Variants in NRXN3 observed in about 807,000 individuals in gnomAD.
NRXN3 encodes neurexin 3.
In NRXN3, 32 loss-of-function variants were observed where a neutral mutation model predicts 137.6. That is an observed-to-expected ratio of 0.23 (90% CI 0.18 to 0.31). The LOEUF (loss-of-function observed/expected upper bound fraction) is 0.31. NRXN3 is among the 10% of genes least tolerant of loss of function. The probability of loss-of-function intolerance (pLI) is 1.00; values close to 1 mark genes in which losing one functional copy is unlikely to be tolerated. For synonymous variants in NRXN3, 798 were observed against 784.5 expected (o/e 1.02, Z -0.29); for missense variants, 1,574 against 2,062.5 (o/e 0.76, Z 4.59).
chr14:79,561,879 A>G (rs1434702435), intron 16 of NRXN3, among the ~76,000 whole-genome samples: 2 of 152,134 alleles, frequency 1.3e-5, no homozygotes, highest in African/African-American at 4.8e-5. Context: ...CATGCTAATT[A>G]CTCACAACCC....
At chr14:79,317,872 T>C (rs919553579) in intron 15 of NRXN3, among the ~76,000 whole-genome samples, 3 of 152,188 alleles carry the variant, frequency 2.0e-5, no homozygotes, top group East Asian at 1.9e-4. Flanking sequence ...AATACCTACA[T>C]TGGGAGTGGG....
chr14:78,617,355 G>C (rs987846604), intron 4 of NRXN3, among the ~76,000 whole-genome samples: 1 of 152,178 alleles, frequency 6.6e-6, no homozygotes, highest in African/African-American at 2.4e-5. Flanking sequence ...ATAGGGCTCT[G>C]TCTTACATGT....
chr14:79,158,303 A>G (rs1277996852), intron 15 of NRXN3, among the ~76,000 whole-genome samples: 2 of 151,846 alleles, frequency 1.3e-5, no homozygotes, highest in African/African-American at 4.8e-5. Flanking sequence ...ACTTATTTAT[A>G]TATTTACTTT....
At chr14:78,510,369 G>A (rs1021370684) in intron 4 of NRXN3, among the ~76,000 whole-genome samples, 1 of 152,004 alleles carries the variant, frequency 6.6e-6, no homozygotes, top group Non-Finnish European at 1.5e-5. Flanking sequence ...TTAATCCTCT[G>A]GAACTCTATG....
chr14:79,569,373 C>T (rs1235121995), intron 16 of NRXN3, among the ~76,000 whole-genome samples: 1 of 152,092 alleles, frequency 6.6e-6, no homozygotes, highest in East Asian at 1.9e-4. Context: ...AAACATCTTC[C>T]TTTCTCCTGA....
intron 4 of NRXN3, among the ~76,000 whole-genome samples, chr14:78,456,799 C>CTCTTTCTCTCTTTCTTTCTT (rs1555539844): frequency 4.1e-5 from 4 of 97,690 alleles, no homozygotes; most frequent in African/African-American, 1.1e-4. Context: ...CTCTCTTTCT[C>CTCTTTCTCTCTTTCTTTCTT]TCTTTCTTTC....
At chr14:78,921,133 C>T (rs1047109322) in intron 10 of NRXN3, among the ~76,000 whole-genome samples, 2 of 152,194 alleles carry the variant, frequency 1.3e-5, no homozygotes, top group South Asian at 2.1e-4. Context: ...CCTTTTCTCC[C>T]CCATGAGTTA....
chr14:79,303,953 T>G (rs1366221523), intron 15 of NRXN3, among the ~76,000 whole-genome samples: 2 of 152,082 alleles, frequency 1.3e-5, no homozygotes, highest in Non-Finnish European at 2.9e-5. Flanking sequence ...AGTAGTGGCA[T>G]CAGCAGCAAC....
At chr14:79,058,485 G>T (rs1424493201) in intron 15 of NRXN3, among the ~76,000 whole-genome samples, 4 of 151,412 alleles carry the variant, frequency 2.6e-5, no homozygotes, top group East Asian at 1.9e-4. Flanking sequence ...GAATCCCTGA[G>T]ATATATATAT....
intron 6 of NRXN3, among the ~76,000 whole-genome samples, chr14:78,705,885 A>C (rs1474845465): frequency 6.6e-6 from 1 of 152,162 alleles, no homozygotes; most frequent in Non-Finnish European, 1.5e-5. Flanking sequence ...AAGTCTGGTT[A>C]TCTCTGTCTG....
chr14:79,333,950 C>T (rs1226765765), intron 15 of NRXN3, among the ~76,000 whole-genome samples: 1 of 152,078 alleles, frequency 6.6e-6, no homozygotes, highest in Non-Finnish European at 1.5e-5. Flanking sequence ...CTGCTGTGTG[C>T]CGATCTTGAG....
At chr14:79,767,909 G>A (rs1298295529) in intron 19 of NRXN3, among the ~76,000 whole-genome samples, 2 of 152,210 alleles carry the variant, frequency 1.3e-5, no homozygotes, top group Non-Finnish European at 2.9e-5. Flanking sequence ...AGGTCACTGG[G>A]TGCATGCACC....
intron 15 of NRXN3, among the ~76,000 whole-genome samples, chr14:79,375,534 C>T (rs147966920): frequency 8.4e-4 from 127 of 152,066 alleles, no homozygotes; most frequent in African/African-American, 2.0e-3. Context: ...CTTTCCGCAG[C>T]GGGACGTGCA....
At chr14:78,852,796 A>G (rs1011838844) in intron 10 of NRXN3, among the ~76,000 whole-genome samples, 3 of 152,074 alleles carry the variant, frequency 2.0e-5, no homozygotes, top group Non-Finnish European at 2.9e-5. Context: ...ATGCTAATGC[A>G]TCTACCTCCT....
chr14:79,686,630 G>GTCATCTAGATTAA (rs1255768473), intron 17 of NRXN3, among the ~76,000 whole-genome samples: 1 of 152,090 alleles, frequency 6.6e-6, no homozygotes, highest in Non-Finnish European at 1.5e-5. Flanking sequence ...GACACCAAGA[G>GTCATCTAGATTAA]TCATCTAGAT....
intron 1 of NRXN3, among the ~76,000 whole-genome samples, chr14:78,209,540 A>G (rs1259764018): frequency 6.6e-6 from 1 of 152,196 alleles, no homozygotes; most frequent in Non-Finnish European, 1.5e-5. Flanking sequence ...CAATCATGGC[A>G]GAAGGGGAAG....
chr14:78,853,048 A>C (rs1455832732), intron 10 of NRXN3, among the ~76,000 whole-genome samples: 1 of 152,078 alleles, frequency 6.6e-6, no homozygotes, highest in Admixed American at 6.6e-5. Context: ...ATAGTACTCC[A>C]TTGTATACAT....
At chr14:79,259,932 C>T (rs1210790431) in intron 15 of NRXN3, among the ~76,000 whole-genome samples, 3 of 151,990 alleles carry the variant, frequency 2.0e-5, no homozygotes, top group Admixed American at 2.0e-4. Context: ...TCTGTCTCCC[C>T]CACCTTTCCT....
At chr14:78,315,925 C>T (rs764670805) in intron 4 of NRXN3, among the ~76,000 whole-genome samples, 3 of 152,140 alleles carry the variant, frequency 2.0e-5, no homozygotes, top group African/African-American at 4.8e-5. Context: ...GTAGATATAT[C>T]TTAATCTCTT....
Sources: allele counts gnomAD v4.1 joint callset (sites outside exome capture counted in the v4.1 genomes callset), GRCh38; gene constraint gnomAD v4.1.1; transcripts MANE v1.5; gene names NCBI Gene and HGNC (gene_info 2026-07-23, HGNC 2026-07-21).